Variants in FUT8 observed in about 807,000 individuals in gnomAD.
FUT8 encodes fucosyltransferase 8.
FUT8 carries 29 observed loss-of-function variants against 71.3 expected under a neutral mutation model. The observed-to-expected ratio is 0.41, with a 90% CI of 0.30 to 0.55. The LOEUF is 0.55. Ranked by LOEUF, FUT8 falls within the 20% of genes least tolerant of loss-of-function variation. The probability of loss-of-function intolerance (pLI) is 0.34; values close to 1 mark genes in which losing one functional copy is unlikely to be tolerated. For synonymous variants in FUT8, 254 were observed against 239.3 expected (o/e 1.06, Z -0.57); for missense variants, 544 against 702.1 (o/e 0.77, Z 2.55).
At chr14:65,617,255 G>T in intron 5 of FUT8, 1 of 1,426,834 alleles carries the variant, frequency 7.0e-7, no homozygotes, top group Non-Finnish European at 9.2e-7. Context: ...AAATTGCTTG[G>T]TTGTTTTAGG....
chr14:65,720,697 C>T (rs2139348628), intron 7 of FUT8, among the ~76,000 whole-genome samples: 1 of 152,294 alleles, frequency 6.6e-6, no homozygotes, highest in South Asian at 2.1e-4. Flanking sequence ...CTAGAAATTA[C>T]AGTTCTTGTG....
intron 1 of FUT8, among the ~76,000 whole-genome samples, chr14:65,418,253 T>G (rs1276001119): frequency 6.6e-6 from 1 of 152,346 alleles, no homozygotes; most frequent in African/African-American, 2.4e-5. Context: ...AACGTATAAC[T>G]AAAATGAACC....
chr14:65,440,811 C>T (rs1210542784), intron 1 of FUT8, among the ~76,000 whole-genome samples: 4 of 151,970 alleles, frequency 2.6e-5, no homozygotes, highest in African/African-American at 9.6e-5. Context: ...CCATGAAGAA[C>T]CAATACAGGC....
intron 1 of FUT8, among the ~76,000 whole-genome samples, chr14:65,428,374 G>A (rs1253336233): frequency 1.3e-5 from 2 of 152,046 alleles, no homozygotes; most frequent in Admixed American, 6.6e-5. Context: ...CGTCATGAGC[G>A]CAGAGCTCTC....
chr14:65,490,064 G>T (rs1407702905), intron 2 of FUT8, among the ~76,000 whole-genome samples: 5 of 151,888 alleles, frequency 3.3e-5, no homozygotes, highest in Admixed American at 3.3e-4. Context: ...ACCTACTTTT[G>T]GTTATTATTT....
the FUT8 span, among the ~76,000 whole-genome samples, chr14:65,400,144 C>T: frequency 3.9e-5 from 6 of 152,196 alleles, no homozygotes; most frequent in Non-Finnish European, 8.8e-5. Context: ...TTATCACAAG[C>T]ATAAACTATT....
At chr14:65,596,992 G>A (rs1302755490) in intron 3 of FUT8, among the ~76,000 whole-genome samples, 1 of 152,154 alleles carries the variant, frequency 6.6e-6, no homozygotes, top group Non-Finnish European at 1.5e-5. Flanking sequence ...AATCTGTGCT[G>A]TTCCACAATA....
intron 1 of FUT8, among the ~76,000 whole-genome samples, chr14:65,447,911 G>A (rs2065766853): frequency 6.6e-6 from 1 of 152,160 alleles, no homozygotes; most frequent in Admixed American, 6.5e-5. Context: ...CTCAATGCCA[G>A]AATGTGTTTC....
intron 3 of FUT8, among the ~76,000 whole-genome samples, chr14:65,599,481 T>A (rs1222373979): frequency 6.6e-6 from 1 of 152,182 alleles, no homozygotes; most frequent in Admixed American, 6.5e-5. Context: ...ATATTTTAAA[T>A]TCTTACTCAT....
intron 8 of FUT8, 27 bp downstream of exon 8, chr14:65,722,048 C>T: frequency 6.2e-7 from 1 of 1,611,378 alleles, no homozygotes; most frequent in Non-Finnish European, 8.5e-7. Context: ...TTCCCTCAAA[C>T]TGTGATATGT....
At chr14:65,414,680 A>C (rs773001411) in intron 1 of FUT8, among the ~76,000 whole-genome samples, 1 of 152,252 alleles carries the variant, frequency 6.6e-6, no homozygotes, top group African/African-American at 2.4e-5. Flanking sequence ...TGAATAGGCT[A>C]TAAGACACGT....
intron 10 of FUT8, among the ~76,000 whole-genome samples, chr14:65,739,238 G>C (rs1167071723): frequency 6.6e-6 from 1 of 151,920 alleles, no homozygotes; most frequent in Non-Finnish European, 1.5e-5. Context: ...ATCTTTAATG[G>C]TCATTCTTAT....
At chr14:65,371,031 T>C in the FUT8 span, among the ~76,000 whole-genome samples, 3 of 152,342 alleles carry the variant, frequency 2.0e-5, no homozygotes, top group Non-Finnish European at 4.4e-5. Flanking sequence ...TAGATTTCTC[T>C]TAGTGCCGTC....
chr14:65,410,019 C>T (rs566783323), upstream of FUT8, among the ~76,000 whole-genome samples: 81 of 152,124 alleles, frequency 5.3e-4, no homozygotes, highest in African/African-American at 1.9e-3. Context: ...AATGAGAGAG[C>T]GCAGCAACAG....
intron 6 of FUT8, among the ~76,000 whole-genome samples, chr14:65,663,392 G>A (rs1892063391): frequency 6.6e-6 from 1 of 151,180 alleles, no homozygotes; most frequent in Non-Finnish European, 1.5e-5. Context: ...TTCTAGATAC[G>A]TACTCTGATA....
chr14:65,710,337 A>T (rs1393996478), intron 7 of FUT8, among the ~76,000 whole-genome samples: 1 of 152,172 alleles, frequency 6.6e-6, no homozygotes, highest in Non-Finnish European at 1.5e-5. Flanking sequence ...TATTTGTGAG[A>T]TTTCTTTTAG....
At chr14:65,633,618 G>A (rs1365081793) in intron 6 of FUT8, among the ~76,000 whole-genome samples, 5 of 149,708 alleles carry the variant, frequency 3.3e-5, no homozygotes, top group African/African-American at 9.9e-5. Flanking sequence ...TGTGGGGAGC[G>A]CCTCTGCCCC....
At chr14:65,637,515 A>G (rs1171063121) in intron 6 of FUT8, among the ~76,000 whole-genome samples, 1 of 152,164 alleles carries the variant, frequency 6.6e-6, no homozygotes, top group Non-Finnish European at 1.5e-5. Flanking sequence ...GCATAGCCCC[A>G]AAGTTGATAT....
chr14:65,620,059 C>G (rs1395373147), intron 5 of FUT8, among the ~76,000 whole-genome samples: 2 of 152,126 alleles, frequency 1.3e-5, no homozygotes, highest in African/African-American at 4.8e-5. Context: ...CACTGTTGCT[C>G]TGATTCTTTT....
Sources: allele counts gnomAD v4.1 joint callset (sites outside exome capture counted in the v4.1 genomes callset), GRCh38; gene constraint gnomAD v4.1.1; transcripts MANE v1.5; gene names NCBI Gene and HGNC (gene_info 2026-07-23, HGNC 2026-07-21).